The following DIP2C variants were observed in gnomAD, a reference collection of about 807,000 sequenced individuals.
The protein encoded by DIP2C is disco-interacting protein 2 homolog C.
A neutral mutation model predicts 192.4 loss-of-function variants in DIP2C; 33 were observed. That is an observed-to-expected ratio of 0.17 (90% CI 0.13 to 0.23). The LOEUF is 0.23. Among genes scored for constraint, DIP2C ranks in the 10% least tolerant of loss-of-function variants. DIP2C has a pLI of 1.00. For synonymous variants in DIP2C, 979 were observed against 864.1 expected (o/e 1.13, Z -2.33); for missense variants, 1,537 against 2,110.1 (o/e 0.73, Z 5.32).
At chr10:283,473 G>A (rs747153975) in intron 34 of DIP2C, 27 bp from the exon 35 acceptor site, 6 of 1,611,114 alleles carry the variant, frequency 3.7e-6, no homozygotes, top group South Asian at 2.2e-5. Flanking sequence ...ATGTCACTGT[G>A]GATGACATTA....
At chr10:541,959 G>GGC (rs910164732) in intron 1 of DIP2C, among the ~76,000 whole-genome samples, 11 of 152,176 alleles carry the variant, frequency 7.2e-5, no homozygotes, top group Non-Finnish European at 1.5e-4. Flanking sequence ...CCTTGTCAGG[G>GGC]GCCTCTGGGC....
At chr10:344,286 T>A (rs1270362919) in intron 28 of DIP2C, among the ~76,000 whole-genome samples, 1 of 147,960 alleles carries the variant, frequency 6.8e-6, no homozygotes, top group African/African-American at 2.5e-5. Flanking sequence ...TACTAAGAGG[T>A]GGACAGAGCG....
intron 32 of DIP2C, among the ~76,000 whole-genome samples, chr10:302,870 TCACA>T (rs1459797293): frequency 1.3e-5 from 2 of 152,182 alleles, no homozygotes; most frequent in Admixed American, 6.5e-5. Context: ...AGTGGTAAGT[TCACA>T]CAAAGGGCTA....
At chr10:464,743 T>G (rs1970069923) in intron 3 of DIP2C, among the ~76,000 whole-genome samples, 2 of 152,238 alleles carry the variant, frequency 1.3e-5, no homozygotes, top group Admixed American at 1.3e-4. Context: ...TGCCCATCAA[T>G]GATAGACTGG....
intron 31 of DIP2C, among the ~76,000 whole-genome samples, chr10:323,941 T>C (rs563811581): frequency 2.0e-4 from 31 of 152,194 alleles, no homozygotes; most frequent in African/African-American, 7.5e-4. Flanking sequence ...TCAGGTTTTT[T>C]TAATTTTGCA....
chr10:475,124 T>C (rs962063499), intron 2 of DIP2C, among the ~76,000 whole-genome samples: 9 of 152,060 alleles, frequency 5.9e-5, no homozygotes, highest in Admixed American at 3.3e-4. Context: ...CATCCCCAAA[T>C]CTGGAGCCTC....
chr10:542,309 G>A (rs530872699), intron 1 of DIP2C, among the ~76,000 whole-genome samples: 2 of 152,208 alleles, frequency 1.3e-5, no homozygotes, highest in African/African-American at 4.8e-5. Context: ...TGCCCAGAAC[G>A]TCATGTCCCT....
chr10:390,049 C>A lies in DIP2C; in HGVS notation c.1539G>T (p.Thr513=). 6.2e-7 allele frequency: 1 copy of A among 1,614,148 alleles called. No homozygotes were observed. The change falls in exon 13 of 37, where the codon ACG becomes ACT. Residue 513 remains threonine, a synonymous_variant. Transcript: ENST00000280886. Reference sequence around the variant, plus strand: ...GGCAGTGTGTCAGCAGCGCAGTCCTCGTCACCGTCACACCCAGCACACTGC... The same window carrying A: ...GGCAGTGTGTCAGCAGCGCAGTCCTAGTCACCGTCACACCCAGCACACTGC... ...KDGSVLGVTV[T]RTALLTHCQA...
intron 30 of DIP2C, among the ~76,000 whole-genome samples, chr10:328,205 G>A (rs935347652): frequency 1.3e-5 from 2 of 152,226 alleles, no homozygotes; most frequent in African/African-American, 4.8e-5. Flanking sequence ...TACACACAGA[G>A]TTAAACAGGA....
At chr10:667,652 A>G (rs1857177877) in intron 1 of DIP2C, 1 of 152,346 alleles carries the variant, frequency 6.6e-6, no homozygotes. Context: ...TACCCAATGC[A>G]TGCAACTCAC....
At chr10:411,752 A>G (rs1378896448) in intron 8 of DIP2C, among the ~76,000 whole-genome samples, 4 of 152,194 alleles carry the variant, frequency 2.6e-5, no homozygotes, top group Non-Finnish European at 5.9e-5. Flanking sequence ...TATTAGAACA[A>G]TTCTCATTCG....
intron 3 of DIP2C, among the ~76,000 whole-genome samples, chr10:461,800 T>C (rs1488065768): frequency 2.0e-5 from 3 of 152,016 alleles, no homozygotes; most frequent in Non-Finnish European, 4.4e-5. Context: ...ACTCAACAAA[T>C]GCAAAAGGAT....
intron 1 of DIP2C, among the ~76,000 whole-genome samples, chr10:583,256 G>A (rs927456918): frequency 8.5e-5 from 13 of 152,220 alleles, no homozygotes; most frequent in Admixed American, 2.0e-4. Flanking sequence ...AAGCAAACAC[G>A]GCATATCACT....
At chr10:508,224 T>C (rs1845763389) in intron 1 of DIP2C, among the ~76,000 whole-genome samples, 1 of 152,014 alleles carries the variant, frequency 6.6e-6, no homozygotes, top group Admixed American at 6.5e-5. Flanking sequence ...TCTGAAAATA[T>C]CCAAATCTTA....
chr10:676,127 G>A (rs372164437), intron 1 of DIP2C, among the ~76,000 whole-genome samples: 2 of 152,066 alleles, frequency 1.3e-5, no homozygotes, highest in African/African-American at 4.8e-5. Flanking sequence ...CAATAAACAC[G>A]CTACATCACA....
At chr10:450,668 C>T (rs568436108) in intron 3 of DIP2C, among the ~76,000 whole-genome samples, 59 of 152,118 alleles carry the variant, frequency 3.9e-4, no homozygotes, top group Non-Finnish European at 5.0e-4. Flanking sequence ...GGTCTGTGAC[C>T]CACACCAAGA....
chr10:340,840 C>A, intron 29 of DIP2C: 1 of 463,224 alleles, frequency 2.2e-6, no homozygotes, highest in Non-Finnish European at 4.3e-6. Flanking sequence ...AGGGAGGTGA[C>A]AGCCTGCAAT....
At chr10:290,142 A>G (rs1195739012) in intron 32 of DIP2C, among the ~76,000 whole-genome samples, 1 of 152,162 alleles carries the variant, frequency 6.6e-6, no homozygotes, top group Non-Finnish European at 1.5e-5. Flanking sequence ...GATGAGGGAG[A>G]AAGACTTACT....
At chr10:436,217 A>AC (rs1422919823) in intron 4 of DIP2C, among the ~76,000 whole-genome samples, 1 of 151,922 alleles carries the variant, frequency 6.6e-6, no homozygotes, top group African/African-American at 2.4e-5. Context: ...CACAGATTCT[A>AC]CCTCCGGTTT....
Sources: allele counts gnomAD v4.1 joint callset (sites outside exome capture counted in the v4.1 genomes callset), GRCh38; gene constraint gnomAD v4.1.1; transcripts MANE v1.5; gene names NCBI Gene and HGNC (gene_info 2026-07-23, HGNC 2026-07-21).